The following COL12A1 variants were observed in gnomAD, a reference collection of about 807,000 sequenced individuals.
The protein encoded by COL12A1 is collagen alpha-1(XII) chain.
Under a neutral mutation model 349.7 loss-of-function variants are expected in COL12A1, and 114 were observed. The observed-to-expected ratio is 0.33, with a 90% CI of 0.28 to 0.38. COL12A1 has a LOEUF of 0.38. COL12A1 is among the 10% of genes least tolerant of loss of function. COL12A1 has a pLI of 1.00. For missense variants in COL12A1, 3,284 were observed against 3,756.9 expected (o/e 0.87, Z 3.29); for synonymous variants, 1,369 against 1,329.0 (o/e 1.03, Z -0.66).
intron 37 of COL12A1, among the ~76,000 whole-genome samples, chr6:75,129,085 A>G (rs891665794): frequency 5.3e-5 from 8 of 152,218 alleles, no homozygotes; most frequent in African/African-American, 1.7e-4. Flanking sequence ...TACAAATGAT[A>G]AATTGTATTT....
At chr6:75,186,693 A>G (rs1212799363) in intron 8 of COL12A1, among the ~76,000 whole-genome samples, 2 of 152,208 alleles carry the variant, frequency 1.3e-5, no homozygotes, top group African/African-American at 2.4e-5. Context: ...CACTATTCAC[A>G]ATATCAAACA....
At chr6:75,094,360 CA>C (rs3216650) in intron 60 of COL12A1, among the ~76,000 whole-genome samples, 13,978 of 151,090 alleles carry the variant, frequency 0.093, 1,333 homozygotes, top group African/African-American at 0.24. Context: ...GCTATTTGGA[CA>C]AAAAAAATTG....
At chr6:75,162,200 C>A (rs1582156612) in intron 14 of COL12A1, among the ~76,000 whole-genome samples, 1 of 152,138 alleles carries the variant, frequency 6.6e-6, no homozygotes, top group Non-Finnish European at 1.5e-5. Context: ...CAAGACAATC[C>A]TACCCACAAA....
Position 75,151,904 on chromosome 6 carries a change from C to A in COL12A1, c.3963G>T (p.Lys1321Asn). 6.2e-7 allele frequency: 1 copy of A among 1,613,820 alleles called. No homozygotes were observed. The highest frequency in any genetic ancestry group is 8.5e-7 in the Non-Finnish European group (1 of 1,179,808). Residue 1321 changes from lysine (K) to asparagine (N), a missense_variant, in exon 20 of 66, where the codon AAG (lysine) becomes AAT (asparagine). This residue lies in a region of COL12A1 where 2,601 missense variants were observed against 2,824.8 expected (regional missense o/e 0.92). Coordinates refer to ENST00000322507, the MANE Select transcript of COL12A1 (RefSeq NM_004370.6). ...GCTCCACTCCCTCATCCTTGAGTTT[C>A]TTTGAAGGTGCTTCAACATCGTCTT... ...KSQDDVEAPS[K>N]KLKDEGVELF...
chr6:75,128,241 T>C, intron 38 of COL12A1, 55 bp downstream of exon 38: 1 of 1,464,912 alleles, frequency 6.8e-7, no homozygotes, highest in Non-Finnish European at 9.0e-7. Context: ...AAAAGCAACA[T>C]TAACATATTG....
chr6:75,095,079 G>A, intron 60 of COL12A1, 29 bp downstream of exon 60: 1 of 1,603,154 alleles, frequency 6.2e-7, no homozygotes, highest in South Asian at 1.1e-5. Flanking sequence ...TGAAACCACT[G>A]TCAGTAGACA....
At chr6:75,101,684 T>C in intron 57 of COL12A1, 31 bp from the exon 58 acceptor site, 2 of 1,602,968 alleles carry the variant, frequency 1.2e-6, no homozygotes, top group Non-Finnish European at 1.7e-6. Context: ...AAGTGAAACA[T>C]TATAATATAC....
At chr6:75,189,474 G>T in intron 6 of COL12A1, 78 bp downstream of exon 6, 1 of 1,576,882 alleles carries the variant, frequency 6.3e-7, no homozygotes, top group Non-Finnish European at 8.6e-7. Context: ...TATTTAATAT[G>T]TAATAGGCAA....
At position 75,202,568 on chromosome 6, in the gene COL12A1, G is replaced by C; in HGVS notation, c.73+152C>G. 5.7e-6 allele frequency: 4 copies of C among 706,766 alleles called. No homozygotes were observed. In the South Asian group the frequency reaches 7.4e-5, roughly 13 times the overall value. 43.8% of individuals were successfully genotyped at this position (706,766 alleles called of 1,614,324 possible). ...AGAGCTGGGAAATGGACAAACCTCA[G>C]GAGAAAGGGGCGTTTCTCTGAAGGA... On this transcript the variant is annotated intron_variant, in intron 2 of 65. Coordinates refer to ENST00000322507, the MANE Select transcript of COL12A1 (RefSeq NM_004370.6).
chr6:75,176,767 AC>A (rs1186547516), intron 12 of COL12A1, among the ~76,000 whole-genome samples: 1 of 152,178 alleles, frequency 6.6e-6, no homozygotes, highest in East Asian at 1.9e-4. Flanking sequence ...TTTGTACAGA[AC>A]CTGACACCAG....
chr6:75,183,247 C>T lies in COL12A1; in HGVS notation c.1694G>A (p.Arg565Lys), dbSNP rs1371486094. The change falls in exon 10 of 66, where the codon AGG (arginine) becomes AAG (lysine). Residue 565 changes from arginine to lysine, a missense_variant. Arg to Lys is a conservative substitution (Grantham distance 26). Around this residue, in one of 2 missense-constraint regions of COL12A1, gnomAD observed 2,601 missense variants for 2,824.8 expected, o/e 0.92. Coordinates refer to ENST00000322507, the MANE Select transcript of COL12A1 (RefSeq NM_004370.6). The stretch of plus-strand genomic sequence containing the variant: ...TGCAAAGATTTCAACATCTGAATTC[C>T]TCAGTTTTATCGCAGGATCTCTGAA... ...DAFRDPAIKL[R>K]NSDVEIFAVG... 5.6e-6 allele frequency: 9 copies of T among 1,614,162 alleles called. No homozygotes were observed. The highest frequency in any genetic ancestry group is 2.2e-5 in the East Asian group (1 of 44,882).
intron 11 of COL12A1, 21 bp from the exon 12 acceptor site, chr6:75,177,956 T>C (rs1022266323): frequency 1.8e-5 from 29 of 1,575,896 alleles, no homozygotes; most frequent in Non-Finnish European, 2.5e-5. Flanking sequence ...AAAGGAAAAA[T>C]AGATTTTAAA....
At chr6:75,191,417 A>G (rs909928794) in intron 5 of COL12A1, among the ~76,000 whole-genome samples, 6 of 151,960 alleles carry the variant, frequency 3.9e-5, no homozygotes, top group African/African-American at 1.4e-4. Flanking sequence ...GTTTTCACCT[A>G]TTGCCAAAAT....
At chr6:75,108,911 A>C (rs746308377) in intron 52 of COL12A1, 107 bp downstream of exon 52, 9 of 1,237,272 alleles carry the variant, frequency 7.3e-6, no homozygotes, top group Middle Eastern at 2.0e-4. Context: ...GACAACTTAA[A>C]ACTCACTGAG....
chr6:75,133,640 G>A (rs1378505824), intron 33 of COL12A1, among the ~76,000 whole-genome samples: 5 of 151,900 alleles, frequency 3.3e-5, no homozygotes, highest in Non-Finnish European at 5.9e-5. Flanking sequence ...TTCCCAGAAC[G>A]GCCGCTTCTT....
intron 13 of COL12A1, among the ~76,000 whole-genome samples, chr6:75,173,029 A>G (rs145817478): frequency 1.4e-3 from 218 of 152,332 alleles, no homozygotes; most frequent in African/African-American, 5.1e-3. Context: ...TGAGTATACC[A>G]AGAGGCTTTT....
At chr6:75,204,951 G>C (rs890627579) in intron 1 of COL12A1, among the ~76,000 whole-genome samples, 5 of 152,020 alleles carry the variant, frequency 3.3e-5, no homozygotes, top group Admixed American at 3.3e-4. Flanking sequence ...CCCTGGCCCA[G>C]AGTCCCAGGG....
In COL12A1 at chr6:75,087,564, G is replaced by A; in HGVS notation, c.9181+13C>T. The A allele has an allele frequency of 1.2e-6, 2 of 1,613,364 alleles. No individual in the cohort carries two copies. Among genetic ancestry groups the A allele is most frequent in the South Asian group, 1.1e-5 (1 of 91,000 alleles). On this transcript the variant is annotated intron_variant, in intron 65 of 65. Transcript: ENST00000322507. Reference sequence around the variant, plus strand: ...TCAGGTGAGTTGGGGTTCCTACAATGGCAACAACGTACCTGGATAGCCTTG... The same window carrying A: ...TCAGGTGAGTTGGGGTTCCTACAATAGCAACAACGTACCTGGATAGCCTTG...
chr6:75,152,685 T>A (rs1176859266), intron 17 of COL12A1, among the ~76,000 whole-genome samples: 1 of 152,126 alleles, frequency 6.6e-6, no homozygotes, highest in East Asian at 1.9e-4. Context: ...AGTCAGCAGT[T>A]CCTCCAAAGA....
Sources: gnomAD v4.1 joint callset for allele counts (sites outside exome capture counted in the v4.1 genomes callset) on GRCh38, gnomAD v4.1.1 for gene constraint, gnomAD v4.1.1 regional missense constraint, MANE v1.5 for transcripts, NCBI Gene and HGNC (gene_info 2026-07-23, HGNC 2026-07-21) for gene names.